Variants in SCIN observed in about 807,000 individuals in gnomAD.
The protein encoded by SCIN is adseverin.
SCIN carries 91 observed loss-of-function variants against 91.8 expected under a neutral mutation model. That is an observed-to-expected ratio of 0.99 (90% CI 0.84 to 1.18). The LOEUF (loss-of-function observed/expected upper bound fraction) is 1.18. Among genes scored for constraint, SCIN ranks in the 50% most tolerant of loss-of-function variants. The pLI, the probability that SCIN is intolerant of heterozygous loss-of-function variation, is 0.00. For missense variants in SCIN, 1,087 were observed against 863.9 expected, an observed-to-expected ratio of 1.26 and a Z score of -3.24; for synonymous variants, 367 against 312.6, an observed-to-expected ratio of 1.17 and a Z score of -1.84.
At chr7:12,627,604 T>G in intron 8 of SCIN, among the ~76,000 whole-genome samples, 1 of 152,284 alleles carries the variant, frequency 6.6e-6, no homozygotes, top group Admixed American at 6.5e-5. Flanking sequence ...AGGGAAATAA[T>G]TTTTCCTCTT....
In SCIN at chr7:12,603,176, G is replaced by A. The variant is rs192493073; in HGVS notation, c.517-1338G>A. On this transcript the variant is annotated intron_variant, in intron 3 of 15. Transcript: ENST00000297029. ...ATTTTTTTTTTTGAGACAGTGTCTC[G>A]CTCTGTCCCCCAGGCTGTAGTGCAA... Among the ~76,000 whole-genome samples the A allele has an allele frequency of 2.0e-3, 309 of 151,338 alleles. 2 individuals carry two copies. The highest frequency in any genetic ancestry group is 7.0e-3 in the African/African-American group (290 of 41,204).
At position 12,628,028 on chromosome 7, in the gene SCIN, C is replaced by CGTGT. The variant is rs1215262855; in HGVS notation, c.1198-1072_1198-1071insTGTG. 1.8e-3 allele frequency among the ~76,000 whole-genome samples: 127 copies of CGTGT among 71,104 alleles called. 1 individual carries two copies. Among genetic ancestry groups the CGTGT allele is most frequent in the African/African-American group, 7.3e-3 (122 of 16,604 alleles). The allele number at this position is 71,104 out of a possible 152,430, so 46.6% of individuals were successfully genotyped here. ...CCAACTGAGAACTTAGGCAAGTGTG[C>CGTGT]GCGCGTGTGTGTGTGTGTGTGTGTG... On this transcript the variant is annotated intron_variant, in intron 8 of 15. Coordinates refer to ENST00000297029, the MANE Select transcript of SCIN (RefSeq NM_001112706.3).
At position 12,655,792 on chromosome 7, in the gene SCIN, A is replaced by C. The variant is rs1784154361; in HGVS notation, c.*3077A>C. On this transcript the variant is annotated 3_prime_UTR_variant, in exon 16 of 16. Transcript: ENST00000297029. ...AGACTAGGTACATGTGGAGAAAGAG[A>C]TACAGGTGTTCCCTAGCAAGTTAAT... is the stretch of plus-strand genomic sequence containing the variant. The C allele has an allele frequency of 6.6e-6, 1 of 152,228 alleles. No homozygotes were observed. Among genetic ancestry groups the C allele is most frequent in the Non-Finnish European group, 1.5e-5 (1 of 68,038 alleles). 9.4% of individuals were successfully genotyped at this position (152,228 alleles called of 1,614,324 possible). A position where few individuals can be genotyped will look rare whatever the true frequency, so the allele number is the denominator to read the frequency against.
intron 9 of SCIN, among the ~76,000 whole-genome samples, chr7:12,635,527 G>A (rs7776658): frequency 7.9e-4 from 113 of 142,348 alleles, no homozygotes; most frequent in African/African-American, 2.7e-3. Flanking sequence ...CAGGAGAATC[G>A]CTTGAAGCCG....
rs561348393 is a variant in SCIN, at chr7:12,608,760, A to G, written c.666+4097A>G. 8.5e-5 allele frequency among the ~76,000 whole-genome samples: 13 copies of G among 152,294 alleles called. 1 individual carries two copies. The highest frequency in any genetic ancestry group is 8.5e-4 in the Admixed American group (13 of 15,292). On this transcript the variant is annotated intron_variant, in intron 4 of 15. Transcript: ENST00000297029. Reference sequence around the variant, plus strand: ...CCAAAGTGCTGAAATTACAGATGTGAGCCTACGCACCCGGCCTAAATTTGA... The same window carrying G: ...CCAAAGTGCTGAAATTACAGATGTGGGCCTACGCACCCGGCCTAAATTTGA...
intron 3 of SCIN, among the ~76,000 whole-genome samples, chr7:12,585,165 C>T (rs1251453590): frequency 6.6e-6 from 1 of 152,174 alleles, no homozygotes; most frequent in Non-Finnish European, 1.5e-5. Context: ...GTCAGACTTT[C>T]ACTCTCACAG....
rs1014232743 is a variant in SCIN at position 12,653,747 on chromosome 7, G to T, written c.*1032G>T. On this transcript the variant is annotated 3_prime_UTR_variant, in exon 16 of 16. Coordinates refer to ENST00000297029, the MANE Select transcript of SCIN (RefSeq NM_001112706.3). This position sits in a 1 kb window ranked among gnomAD's most constrained non-coding sequence, Gnocchi z 4.1. ...CAGAGCCAAGTTCAAGTAAGTTAAC[G>T]ATATCAAGTTACTTACTGGCAGGTA... The T allele has an allele frequency of 6.6e-6, 1 of 152,240 alleles. No individual in the cohort carries two copies. The highest frequency in any genetic ancestry group is 1.5e-5 in the Non-Finnish European group (1 of 68,012). The allele number at this position is 152,240 out of a possible 1,614,324, so 9.4% of individuals were successfully genotyped here.
At chr7:12,585,038 C>A (rs1250423123) in intron 3 of SCIN, among the ~76,000 whole-genome samples, 1 of 152,124 alleles carries the variant, frequency 6.6e-6, no homozygotes, top group Non-Finnish European at 1.5e-5. Context: ...CGTGATGCAG[C>A]TTTACCCTGT....
chr7:12,596,896 C>T (rs1782854628), intron 3 of SCIN, among the ~76,000 whole-genome samples: 1 of 152,106 alleles, frequency 6.6e-6, no homozygotes, highest in Non-Finnish European at 1.5e-5. Flanking sequence ...TTGACCAATC[C>T]TATAGGCTTA....
chr7:12,623,122 C>T (rs1783444058), intron 5 of SCIN, among the ~76,000 whole-genome samples: 1 of 152,050 alleles, frequency 6.6e-6, no homozygotes, highest in South Asian at 2.1e-4. Flanking sequence ...ATTGCTGTGA[C>T]TTCATAAAAT....
intron 9 of SCIN, 86 bp from the exon 10 acceptor site, chr7:12,635,956 CATA>C: frequency 2.2e-6 from 2 of 918,296 alleles, no homozygotes; most frequent in Non-Finnish European, 3.5e-6. Context: ...CTTGATCTTT[CATA>C]ATAACTTGTC....
intron 8 of SCIN, among the ~76,000 whole-genome samples, chr7:12,628,420 G>A (rs1247191484): frequency 6.6e-6 from 1 of 152,136 alleles, no homozygotes; most frequent in Non-Finnish European, 1.5e-5. Context: ...GTTTGGTGGA[G>A]GATCCACTTT....
Position 12,625,143 on chromosome 7 carries a change from G to T in SCIN, c.892+1G>T, listed in dbSNP as rs749912181. 11 of 1,606,598 alleles carry T rather than the reference G, an allele frequency of 6.8e-6. No homozygotes were observed. In the African/African-American group the frequency reaches 1.2e-4, roughly 18 times the overall value. ...GCCAAACAAATTTTCGTATGGAAAG[G>T]TAAAAAATTCCATTGACGATGCTGT... On this transcript the variant is annotated splice_donor_variant, in intron 6 of 15. Transcript: ENST00000297029. LOFTEE classifies it high-confidence loss of function.
chr7:12,592,771 C>A (rs903879066), intron 3 of SCIN, among the ~76,000 whole-genome samples: 1 of 152,080 alleles, frequency 6.6e-6, no homozygotes, highest in African/African-American at 2.4e-5. Context: ...GAGATGAGTC[C>A]GTCAACCCCC....
chr7:12,649,992 T>C, intron 14 of SCIN, among the ~76,000 whole-genome samples: 1 of 152,308 alleles, frequency 6.6e-6, no homozygotes, highest in East Asian at 1.9e-4. Context: ...ATCTACACAG[T>C]AAAATATGTT....
intron 4 of SCIN, among the ~76,000 whole-genome samples, chr7:12,606,737 C>G (rs1390714045): frequency 6.6e-6 from 1 of 151,996 alleles, no homozygotes; most frequent in African/African-American, 2.4e-5. Context: ...TGCTTATTTT[C>G]TTCTTCATTT....
At position 12,588,194 on chromosome 7, in the gene SCIN, A is replaced by G. The variant is rs73062655; in HGVS notation, c.516+6973A>G. On this transcript the variant is annotated intron_variant, in intron 3 of 15. Transcript: ENST00000297029. ...TAAGAATGGATAATGGGAAAGATAC[A>G]CCAAATCTTAGATCTCTAAAATGTA... Among the ~76,000 whole-genome samples, 1,261 of 152,328 alleles carry G rather than the reference A, an allele frequency of 8.3e-3. 3 individuals are homozygous for G. The highest frequency in any genetic ancestry group is 0.013 in the Non-Finnish European group (857 of 68,034).
chr7:12,574,025 G>T (rs1023426083), intron 1 of SCIN, among the ~76,000 whole-genome samples: 3 of 152,110 alleles, frequency 2.0e-5, no homozygotes, highest in Non-Finnish European at 4.4e-5. Flanking sequence ...TACCATATGA[G>T]TCAGCAATTG....
intron 3 of SCIN, among the ~76,000 whole-genome samples, chr7:12,599,514 C>T (rs147586334): frequency 7.4e-4 from 112 of 152,004 alleles, no homozygotes; most frequent in African/African-American, 2.7e-3. Flanking sequence ...ATAATGACTT[C>T]GTTTCTTCTG....
Sources: allele counts gnomAD v4.1 joint callset (sites outside exome capture counted in the v4.1 genomes callset), GRCh38; gene constraint gnomAD v4.1.1; non-coding constraint Gnocchi (gnomAD v3.1); transcripts MANE v1.5; gene names NCBI Gene and HGNC (gene_info 2026-07-23, HGNC 2026-07-21).